The following GBE1 variants were observed in gnomAD, a reference collection of about 807,000 sequenced individuals.
GBE1 encodes 1,4-alpha-glucan-branching enzyme.
Under a neutral mutation model 88.8 loss-of-function variants are expected in GBE1, and 70 were observed. The observed-to-expected ratio is 0.79, with a 90% CI of 0.65 to 0.96. The LOEUF (loss-of-function observed/expected upper bound fraction) is 0.96. GBE1 is among the 40% of genes least tolerant of loss of function. The pLI, the probability that GBE1 is intolerant of heterozygous loss-of-function variation, is 0.00. For missense variants in GBE1, 872 were observed against 871.0 expected, an observed-to-expected ratio of 1.00 and a Z score of -0.01; for synonymous variants, 284 against 300.1, an observed-to-expected ratio of 0.95 and a Z score of 0.56.
chr3:81,609,923 G>C (rs1704157121), intron 7 of GBE1, among the ~76,000 whole-genome samples: 1 of 152,074 alleles, frequency 6.6e-6, no homozygotes, highest in Admixed American at 6.6e-5. Flanking sequence ...AAACGTGATT[G>C]AAATTTATTC....
At chr3:81,729,953 A>T (rs1261218286) in intron 1 of GBE1, among the ~76,000 whole-genome samples, 1 of 152,118 alleles carries the variant, frequency 6.6e-6, no homozygotes, top group Non-Finnish European at 1.5e-5. Flanking sequence ...GGCTGATACC[A>T]CTGGATACCC....
At chr3:81,543,625 A>G (rs1703169962) in intron 12 of GBE1, among the ~76,000 whole-genome samples, 1 of 152,126 alleles carries the variant, frequency 6.6e-6, no homozygotes, top group African/African-American at 2.4e-5. Flanking sequence ...TGTCCTTCTC[A>G]GCTATGGGCT....
At chr3:81,553,621 G>C (rs1576146337) in intron 12 of GBE1, among the ~76,000 whole-genome samples, 1 of 136,820 alleles carries the variant, frequency 7.3e-6, no homozygotes, top group Non-Finnish European at 1.6e-5. Flanking sequence ...GAAGTATAGA[G>C]ACAGATAAAA....
intron 2 of GBE1, among the ~76,000 whole-genome samples, chr3:81,686,544 G>A (rs1311816319): frequency 6.6e-6 from 1 of 152,140 alleles, no homozygotes; most frequent in Non-Finnish European, 1.5e-5. Flanking sequence ...ATCACCTGAG[G>A]TCAGGAGTTT....
chr3:81,701,512 GGTT>G (rs1444012769), intron 2 of GBE1, among the ~76,000 whole-genome samples: 4 of 151,466 alleles, frequency 2.6e-5, no homozygotes, highest in Non-Finnish European at 5.9e-5. Context: ...CAAATAAGAG[GGTT>G]TTTTTTTTAA....
intron 14 of GBE1, 48 bp downstream of exon 14, chr3:81,535,146 TA>T: frequency 6.9e-7 from 1 of 1,455,188 alleles, no homozygotes; most frequent in Non-Finnish European, 9.2e-7. Flanking sequence ...TATAATGTAA[TA>T]AAGAAGTGAA....
intron 15 of GBE1, among the ~76,000 whole-genome samples, chr3:81,498,389 T>C (rs1299527946): frequency 1.3e-5 from 2 of 152,168 alleles, no homozygotes; most frequent in Non-Finnish European, 2.9e-5. Context: ...AGGTACGTCC[T>C]AGAATTAGGA....
At chr3:81,537,666 C>T (rs1206314676) in intron 12 of GBE1, among the ~76,000 whole-genome samples, 6 of 152,008 alleles carry the variant, frequency 3.9e-5, no homozygotes, top group East Asian at 1.9e-4. Context: ...TACCACATCA[C>T]ATTAGGCAAA....
chr3:81,497,927 C>A (rs1702539405), intron 15 of GBE1, among the ~76,000 whole-genome samples: 1 of 152,176 alleles, frequency 6.6e-6, no homozygotes, highest in African/African-American at 2.4e-5. Flanking sequence ...TCACAGACTA[C>A]AGTAATAATT....
At chr3:81,688,380 G>A (rs1449984634) in intron 2 of GBE1, among the ~76,000 whole-genome samples, 5 of 152,110 alleles carry the variant, frequency 3.3e-5, no homozygotes, top group African/African-American at 9.7e-5. Context: ...GTACCCCAAC[G>A]CCTAACACAG....
In GBE1 at chr3:81,612,240, A is replaced by AAAC. The variant is rs1553685869; in HGVS notation, c.993-18218_993-18217insGTT. 3.6e-3 allele frequency: 1,900 copies of AAAC among 533,006 alleles called. 37 individuals carry two copies. In the African/African-American group the frequency reaches 0.037, roughly 10 times the overall value. The allele number at this position is 533,006 out of a possible 1,614,324, so 33.0% of individuals were successfully genotyped here. A position where few individuals can be genotyped will look rare whatever the true frequency, so the allele number is the denominator to read the frequency against. ...TCCTTTAAAAAAAAAAAAAAAAAAA[A>AAAC]AAACTTAAAGAAGCTCTCTGGTTCC... On this transcript the variant is annotated intron_variant, in intron 7 of 15. Coordinates refer to ENST00000429644, the MANE Select transcript of GBE1 (RefSeq NM_000158.4).
intron 1 of GBE1, among the ~76,000 whole-genome samples, chr3:81,721,003 A>C (rs1488759519): frequency 3.2e-5 from 3 of 93,576 alleles, no homozygotes; most frequent in African/African-American, 1.4e-4. Context: ...TTGAACAATG[A>C]GATCACATGG....
chr3:81,736,584 A>C (rs953085449), intron 1 of GBE1, among the ~76,000 whole-genome samples: 7 of 152,184 alleles, frequency 4.6e-5, no homozygotes, highest in Non-Finnish European at 1.0e-4. Flanking sequence ...TATCCCCGTG[A>C]AAGACTGGGA....
At chr3:81,535,368 A>T in intron 13 of GBE1, 43 bp from the exon 14 acceptor site, 1 of 1,549,578 alleles carries the variant, frequency 6.5e-7, no homozygotes. Flanking sequence ...TAATACCTAG[A>T]TGCTGCTACA....
At chr3:81,520,529 G>C (rs1321633389) in intron 14 of GBE1, among the ~76,000 whole-genome samples, 2 of 151,494 alleles carry the variant, frequency 1.3e-5, no homozygotes, top group East Asian at 3.9e-4. Flanking sequence ...CTGATTTAAT[G>C]CCAACTTGAT....
chr3:81,560,456 A>T (rs1470309403), intron 12 of GBE1, among the ~76,000 whole-genome samples: 1 of 152,014 alleles, frequency 6.6e-6, no homozygotes, highest in Non-Finnish European at 1.5e-5. Context: ...TAACAATTTC[A>T]AAATAAATTT....
intron 14 of GBE1, among the ~76,000 whole-genome samples, chr3:81,516,394 C>T (rs1214863067): frequency 1.3e-5 from 2 of 151,522 alleles, no homozygotes; most frequent in African/African-American, 4.8e-5. Flanking sequence ...TAAGCCCAAG[C>T]TTGAGACCTA....
At chr3:81,639,524 G>T (rs1367647598) in intron 7 of GBE1, among the ~76,000 whole-genome samples, 1 of 151,904 alleles carries the variant, frequency 6.6e-6, no homozygotes, top group African/African-American at 2.4e-5. Context: ...GAAGGGAGGG[G>T]CGTTAAGGAA....
chr3:81,536,718 T>C (rs775320278), intron 13 of GBE1, among the ~76,000 whole-genome samples, 193 bp downstream of exon 13: 9 of 152,224 alleles, frequency 5.9e-5, no homozygotes, highest in South Asian at 4.1e-4. Context: ...CAGGGCATTA[T>C]GTTTAAGATT....
Sources: allele counts gnomAD v4.1 joint callset (sites outside exome capture counted in the v4.1 genomes callset), GRCh38; gene constraint gnomAD v4.1.1; transcripts MANE v1.5; gene names NCBI Gene and HGNC (gene_info 2026-07-23, HGNC 2026-07-21).